The following LAMA4 variants were observed in gnomAD, a reference collection of about 807,000 sequenced individuals.
LAMA4 encodes the protein laminin subunit alpha 4.
Under a neutral mutation model 207.1 loss-of-function variants are expected in LAMA4, and 127 were observed. That is an observed-to-expected ratio of 0.61 (90% CI 0.53 to 0.71). LAMA4 has a LOEUF of 0.71. Among genes scored for constraint, LAMA4 ranks in the 30% least tolerant of loss-of-function variants. LAMA4 has a pLI of 0.00. For synonymous variants in LAMA4, 761 were observed against 816.0 expected (o/e 0.93, Z 1.15); for missense variants, 2,093 against 2,246.5 (o/e 0.93, Z 1.38).
intron 5 of LAMA4, among the ~76,000 whole-genome samples, chr6:112,196,811 G>A (rs148036340): frequency 6.8e-4 from 103 of 152,220 alleles, no homozygotes; most frequent in African/African-American, 2.4e-3. Context: ...AAGTGCTGTT[G>A]CTATTTCTTA....
intron 5 of LAMA4, among the ~76,000 whole-genome samples, chr6:112,201,348 C>T (rs1193488164): frequency 6.6e-6 from 1 of 152,226 alleles, no homozygotes; most frequent in Non-Finnish European, 1.5e-5. Flanking sequence ...AAATACACAT[C>T]CTCAATTTCC....
At chr6:112,241,783 G>A (rs1786533869) in intron 2 of LAMA4, among the ~76,000 whole-genome samples, 1 of 152,192 alleles carries the variant, frequency 6.6e-6, no homozygotes, top group African/African-American at 2.4e-5. Flanking sequence ...GATAGAGAAG[G>A]AGACACAGAC....
intron 2 of LAMA4, chr6:112,251,710 G>A (rs142562639): frequency 2.6e-5 from 4 of 152,356 alleles, no homozygotes; most frequent in Non-Finnish European, 5.9e-5. Context: ...ACCTGATGGT[G>A]GGGCGTTGGG....
intron 21 of LAMA4, among the ~76,000 whole-genome samples, 181 bp downstream of exon 21, chr6:112,141,177 G>A (rs1554333102): frequency 6.6e-6 from 1 of 151,998 alleles, no homozygotes; most frequent in African/African-American, 2.4e-5. Context: ...CTACTAAGGT[G>A]TTTGGGAAAG....
chr6:112,161,656 C>A (rs1157242929), intron 13 of LAMA4, among the ~76,000 whole-genome samples: 2 of 152,090 alleles, frequency 1.3e-5, no homozygotes, highest in Admixed American at 1.3e-4. Flanking sequence ...ATCAAACAAG[C>A]AAACAAGCTA....
chr6:112,137,291 A>G (rs1779410318), intron 24 of LAMA4, among the ~76,000 whole-genome samples: 1 of 152,200 alleles, frequency 6.6e-6, no homozygotes, highest in Non-Finnish European at 1.5e-5. Context: ...GAGTTTGTAC[A>G]TTCCTGGGAG....
chr6:112,192,580 G>T (rs80109681), intron 5 of LAMA4, among the ~76,000 whole-genome samples: 2,798 of 152,320 alleles, frequency 0.018, 44 homozygotes, highest in Middle Eastern at 0.058. Context: ...CAGAGGCCAG[G>T]TGCCTACCTG....
chr6:112,162,167 G>A (rs1781091462), intron 13 of LAMA4: 1 of 152,160 alleles, frequency 6.6e-6, no homozygotes, highest in Non-Finnish European at 1.5e-5. Flanking sequence ...GACAAGGAAA[G>A]TGGTCAGAAA....
intron 5 of LAMA4, among the ~76,000 whole-genome samples, chr6:112,195,102 C>T (rs1194251371): frequency 2.0e-5 from 3 of 152,290 alleles, no homozygotes; most frequent in African/African-American, 4.8e-5. Context: ...CTCTTCTGCT[C>T]CTCCTCCCAG....
intron 18 of LAMA4, among the ~76,000 whole-genome samples, chr6:112,145,469 A>C (rs1779967235): frequency 6.6e-6 from 1 of 152,212 alleles, no homozygotes; most frequent in Non-Finnish European, 1.5e-5. Flanking sequence ...GAAAGAGAGA[A>C]AGTTAAGCTG....
intron 30 of LAMA4, 100 bp from the exon 31 acceptor site, chr6:112,129,175 TGTGTGTGTGTGC>T: frequency 1.7e-6 from 1 of 574,294 alleles, no homozygotes; most frequent in Non-Finnish European, 2.8e-6. Flanking sequence ...TTAAAATGTG[TGTGTGTGTGTGC>T]ATGTGTGTGT....
rs996816261 is a variant in LAMA4 at position 112,143,332 on chromosome 6, C to T, written c.2494-1040G>A. Among the ~76,000 whole-genome samples the T allele has an allele frequency of 4.0e-5, 6 of 149,566 alleles. No individual in the cohort carries two copies. The South Asian group carries it at 8.5e-4, about 21-fold the overall frequency. On this transcript the variant is annotated intron_variant, in intron 19 of 38. Coordinates refer to ENST00000230538, the MANE Select transcript of LAMA4 (RefSeq NM_001105206.3). ...GACACAGTCTCACTGTCACCCAGGC[C>T]GGAGTGCAGTAGCACAATGTCAGCT... is the stretch of plus-strand genomic sequence containing the variant.
chr6:112,241,162 A>AATATATATATTT (rs1459995943), intron 2 of LAMA4, among the ~76,000 whole-genome samples: 47 of 55,444 alleles, frequency 8.5e-4, no homozygotes, highest in Non-Finnish European at 1.4e-3. Flanking sequence ...TATATATATG[A>AATATATATATTT]ATATATATGA....
chr6:112,134,867 A>C (rs1276950994), intron 25 of LAMA4, among the ~76,000 whole-genome samples: 1 of 152,132 alleles, frequency 6.6e-6, no homozygotes, highest in African/African-American at 2.4e-5. Context: ...TTTTGCGATT[A>C]GACCTATTGT....
intron 16 of LAMA4, among the ~76,000 whole-genome samples, chr6:112,154,444 C>T (rs1275305032): frequency 5.9e-5 from 9 of 151,392 alleles, no homozygotes; most frequent in African/African-American, 2.2e-4. Context: ...ATGACTCGTT[C>T]CTTCATGGGA....
chr6:112,226,665 G>A (rs535181787), intron 2 of LAMA4, among the ~76,000 whole-genome samples: 4 of 152,256 alleles, frequency 2.6e-5, no homozygotes, highest in African/African-American at 9.6e-5. Context: ...ATAGTCATTC[G>A]CAAATAGCAA....
At chr6:112,126,948 T>C (rs1778728007) in intron 31 of LAMA4, among the ~76,000 whole-genome samples, 1 of 152,214 alleles carries the variant, frequency 6.6e-6, no homozygotes, top group Non-Finnish European at 1.5e-5. Flanking sequence ...GCAATTTTAC[T>C]TTTAGGAACC....
chr6:112,214,070 T>C (rs1554357772), intron 3 of LAMA4: 3 of 756,196 alleles, frequency 4.0e-6, no homozygotes, highest in Non-Finnish European at 7.4e-6. Flanking sequence ...CCGTCAGTAG[T>C]CTGGGATAGC....
chr6:112,254,285 C>A lies in LAMA4; in HGVS notation c.-135G>T. 1 of 1,065,342 alleles carries A rather than the reference C, an allele frequency of 9.4e-7. No individual in the cohort carries two copies. Among genetic ancestry groups the A allele is most frequent in the African/African-American group, 1.6e-5 (1 of 64,166 alleles). 66.0% of individuals were successfully genotyped at this position (1,065,342 alleles called of 1,614,324 possible). ...GCAGTATCCCGAGGTGGCTGCGCAACCAGCAGCTTAGGAAATAAAGGGAAA... is the reference window on the plus strand; with the variant it reads ...GCAGTATCCCGAGGTGGCTGCGCAAACAGCAGCTTAGGAAATAAAGGGAAA... On this transcript the variant is annotated 5_prime_UTR_variant, in exon 2 of 39. Coordinates refer to ENST00000230538, the MANE Select transcript of LAMA4 (RefSeq NM_001105206.3).
Sources: allele counts gnomAD v4.1 joint callset (sites outside exome capture counted in the v4.1 genomes callset), GRCh38; gene constraint gnomAD v4.1.1; transcripts MANE v1.5; gene names NCBI Gene and HGNC (gene_info 2026-07-23, HGNC 2026-07-21).